Variants in SLC35G2 observed in about 807,000 individuals in gnomAD.
SLC35G2 encodes the protein transmembrane protein 22.
SLC35G2 carries 20 observed loss-of-function variants against 27.2 expected under a neutral mutation model. The observed-to-expected ratio is 0.74, with a 90% CI of 0.52 to 1.07. The LOEUF (loss-of-function observed/expected upper bound fraction) is 1.07, where lower values mean the gene tolerates loss of function less well. Ranked by LOEUF, SLC35G2 falls within the 50% of genes least tolerant of loss-of-function variation. The pLI is 0.00. For synonymous variants in SLC35G2, 148 were observed against 165.3 expected (o/e 0.90, Z 0.80); for missense variants, 416 against 493.3 (o/e 0.84, Z 1.48).
At chr3:136,837,371 C>G (rs985589983) in intron 1 of SLC35G2, 1 of 152,068 alleles carries the variant, frequency 6.6e-6, no homozygotes, top group African/African-American at 2.4e-5. Flanking sequence ...GACTGAAATA[C>G]AGAGTAATGA....
chr3:136,819,298 G>A lies in SLC35G2; in HGVS notation c.-349G>A, dbSNP rs1197828840. ...CCGGCCGCCCGACAAGGGAATGAGA[G>A]CGGACCCCGAACTCCACACACCCGC... On this transcript the variant is annotated 5_prime_UTR_variant, in exon 1 of 2. Coordinates refer to ENST00000446465, the MANE Select transcript of SLC35G2 (RefSeq NM_025246.3). The A allele has an allele frequency of 6.6e-6, 1 of 152,296 alleles. No individual in the cohort carries two copies. The highest frequency in any genetic ancestry group is 1.5e-5 in the Non-Finnish European group (1 of 68,122). 9.4% of individuals were successfully genotyped at this position (152,296 alleles called of 1,614,324 possible).
intron 1 of SLC35G2, among the ~76,000 whole-genome samples, chr3:136,830,256 A>T (rs1936694807): frequency 6.8e-6 from 1 of 146,102 alleles, no homozygotes. Flanking sequence ...TTACAGGCAC[A>T]CACCACCATG....
At chr3:136,824,823 A>G (rs560459144) in intron 1 of SLC35G2, among the ~76,000 whole-genome samples, 5 of 152,268 alleles carry the variant, frequency 3.3e-5, no homozygotes, top group African/African-American at 9.6e-5. Context: ...ATAGGTATAC[A>G]TGTGCCATGT....
In SLC35G2 at chr3:136,855,381, A is replaced by C. The variant is rs1295200029; in HGVS notation, c.921A>C (p.Gln307His). 1 of 1,614,190 alleles carries C rather than the reference A, an allele frequency of 6.2e-7. No individual in the cohort carries two copies. The highest frequency in any genetic ancestry group is 8.5e-7 in the Non-Finnish European group (1 of 1,180,014). Residue 307 changes from glutamine (Q) to histidine (H), a missense_variant, in exon 2 of 2, where the codon CAA becomes CAC. Coordinates refer to ENST00000446465, the MANE Select transcript of SLC35G2 (RefSeq NM_025246.3). ...IWGISTMFILQEPIIPLDGET... is the reference protein window; with the variant it reads ...IWGISTMFILHEPIIPLDGET... ...GAATATCTACTATGTTTATTCTTCA[A>C]GAACCCATCATCCCATTAGATGGAG... is the stretch of plus-strand genomic sequence containing the variant.
In SLC35G2 at chr3:136,833,052, A is replaced by G. The variant is rs1348463183; in HGVS notation, c.-19+13424A>G. Among the ~76,000 whole-genome samples the G allele has an allele frequency of 4.8e-5, 7 of 145,020 alleles. No individual in the cohort carries two copies. The South Asian group carries it at 1.4e-3, about 29-fold the overall frequency. ...CCACTGCACTCCAGCCTGGGTGACA[A>G]CAGCGAGACTCTGTCTCAAAAAAAA... On this transcript the variant is annotated intron_variant, in intron 1 of 1. Transcript: ENST00000446465.
chr3:136,852,497 C>CTT (rs750307553), intron 1 of SLC35G2, among the ~76,000 whole-genome samples: 2 of 142,366 alleles, frequency 1.4e-5, no homozygotes, highest in Non-Finnish European at 3.1e-5. Flanking sequence ...TTTTCTTTTT[C>CTT]TTTTTTTTTT....
chr3:136,825,925 C>T (rs891492180), intron 1 of SLC35G2, among the ~76,000 whole-genome samples: 3 of 152,040 alleles, frequency 2.0e-5, no homozygotes, highest in African/African-American at 7.2e-5. Context: ...AGAGTGAGTT[C>T]GGAAGTATTC....
intron 1 of SLC35G2, among the ~76,000 whole-genome samples, chr3:136,839,442 T>A (rs1447464867): frequency 6.6e-6 from 1 of 152,210 alleles, no homozygotes; most frequent in Non-Finnish European, 1.5e-5. Flanking sequence ...TAAAGTTTTT[T>A]TTTCAACCTC....
intron 1 of SLC35G2, among the ~76,000 whole-genome samples, chr3:136,822,163 T>C (rs1001282925): frequency 6.6e-6 from 1 of 152,196 alleles, no homozygotes; most frequent in African/African-American, 2.4e-5. Context: ...AAATTATTAT[T>C]GACTATAGTC....
chr3:136,839,195 T>G (rs1248047041), intron 1 of SLC35G2, among the ~76,000 whole-genome samples: 1 of 152,080 alleles, frequency 6.6e-6, no homozygotes, highest in East Asian at 1.9e-4. Context: ...TTATGCAAAT[T>G]GATAAATCCA....
At chr3:136,826,913 C>T (rs1576886958) in intron 1 of SLC35G2, among the ~76,000 whole-genome samples, 1 of 151,878 alleles carries the variant, frequency 6.6e-6, no homozygotes, top group Non-Finnish European at 1.5e-5. Context: ...GGATTATAGG[C>T]ATGAGCTACC....
rs896382871 is a variant in SLC35G2 at position 136,829,308 on chromosome 3, G to A, written c.-19+9680G>A. On this transcript the variant is annotated intron_variant, in intron 1 of 1. Transcript: ENST00000446465. The stretch of plus-strand genomic sequence containing the variant: ...GCCATCTTGGCTCACTGCAACCTCC[G>A]CCTCCCGGGTTCAAGCGATTCTCCT... Among the ~76,000 whole-genome samples the A allele has an allele frequency of 2.6e-5, 4 of 151,586 alleles. 1 individual carries two copies. Among genetic ancestry groups the A allele is most frequent in the South Asian group, 4.2e-4 (2 of 4,804 alleles).
At chr3:136,848,995 C>A (rs1385207878) in intron 1 of SLC35G2, among the ~76,000 whole-genome samples, 1 of 152,052 alleles carries the variant, frequency 6.6e-6, no homozygotes, top group African/African-American at 2.4e-5. Context: ...GCCTGACCAG[C>A]ATGGAGAAAC....
chr3:136,843,716 T>G (rs1937218775), intron 1 of SLC35G2, among the ~76,000 whole-genome samples: 1 of 151,902 alleles, frequency 6.6e-6, no homozygotes, highest in Non-Finnish European at 1.5e-5. Context: ...GAGGATCACC[T>G]GAGGTCACAA....
chr3:136,853,717 CCTT>C (rs1332669901), intron 1 of SLC35G2, among the ~76,000 whole-genome samples: 1 of 152,076 alleles, frequency 6.6e-6, no homozygotes, highest in East Asian at 1.9e-4. Context: ...TTATTCCCCC[CCTT>C]TTTTATTCAG....
In SLC35G2 at chr3:136,855,400, G is replaced by T. The variant is rs779553916; in HGVS notation, c.940G>T (p.Asp314Tyr). 8 of 1,614,044 alleles carry T rather than the reference G, an allele frequency of 5.0e-6. No homozygotes were observed. In the African/African-American group the frequency reaches 1.1e-4, roughly 22 times the overall value. The change falls in exon 2 of 2, where the codon GAT (aspartate) becomes TAT (tyrosine). Residue 314 changes from aspartate to tyrosine, a missense_variant. By Grantham distance (160) the Asp-to-Tyr change is radical (BLOSUM62 -3). Coordinates refer to ENST00000446465, the MANE Select transcript of SLC35G2 (RefSeq NM_025246.3). The stretch of plus-strand genomic sequence containing the variant: ...TCTTCAAGAACCCATCATCCCATTA[G>T]ATGGAGAAACCTGGAGTTATCTCAT... ...FILQEPIIPL[D>Y]GETWSYLIAI...
At chr3:136,827,063 G>A (rs1189872252) in intron 1 of SLC35G2, among the ~76,000 whole-genome samples, 2 of 150,694 alleles carry the variant, frequency 1.3e-5, no homozygotes, top group Non-Finnish European at 3.0e-5. Context: ...TGGAGGGAAG[G>A]TCCTCTCTTT....
chr3:136,837,494 C>T (rs1936907218), intron 1 of SLC35G2: 1 of 152,084 alleles, frequency 6.6e-6, no homozygotes, highest in South Asian at 2.1e-4. Context: ...GAATTTCCAC[C>T]ATTTGCAAGG....
At chr3:136,852,631 T>C (rs1480979531) in intron 1 of SLC35G2, among the ~76,000 whole-genome samples, 2 of 151,800 alleles carry the variant, frequency 1.3e-5, no homozygotes, top group Non-Finnish European at 2.9e-5. Context: ...TAGCTGGGAT[T>C]ACAGGCACCT....
Sources: gnomAD v4.1 joint callset for allele counts (sites outside exome capture counted in the v4.1 genomes callset) on GRCh38, gnomAD v4.1.1 for gene constraint, MANE v1.5 for transcripts, NCBI Gene and HGNC (gene_info 2026-07-23, HGNC 2026-07-21) for gene names.